CHD9: variants seen among roughly 807,000 people sequenced by gnomAD.
CHD9 encodes ATP-dependent chromatin remodeler CHD9.
In CHD9, 77 loss-of-function variants were observed where a neutral mutation model predicts 316.1. The observed-to-expected ratio is 0.24, with a 90% CI of 0.20 to 0.29. The LOEUF (loss-of-function observed/expected upper bound fraction) is 0.29, where lower values mean the gene tolerates loss of function less well. CHD9 is among the 10% of genes least tolerant of loss of function. CHD9 has a pLI of 1.00. For synonymous variants in CHD9, 1,129 were observed against 1,158.3 expected, an observed-to-expected ratio of 0.97 and a Z score of 0.51; for missense variants, 2,763 against 3,438.1, an observed-to-expected ratio of 0.80 and a Z score of 4.91.
intron 1 of CHD9, among the ~76,000 whole-genome samples, chr16:53,101,488 C>T (rs924155316): frequency 6.6e-5 from 10 of 151,842 alleles, no homozygotes; most frequent in East Asian, 1.9e-4. Context: ...TTGCCCAGGC[C>T]GACAATTTTT....
chr16:53,102,967 T>G (rs1456775073), intron 1 of CHD9, among the ~76,000 whole-genome samples: 1 of 151,846 alleles, frequency 6.6e-6, no homozygotes, highest in Non-Finnish European at 1.5e-5. Flanking sequence ...TGCCTCAGCC[T>G]CCTGAGTAGC....
At chr16:53,110,272 C>G (rs1379010337) in intron 1 of CHD9, among the ~76,000 whole-genome samples, 2 of 152,072 alleles carry the variant, frequency 1.3e-5, no homozygotes, top group Admixed American at 6.6e-5. Flanking sequence ...CAGTTTCAAA[C>G]GATGAGGTGA....
At chr16:53,075,589 C>T (rs139057550) in intron 1 of CHD9, among the ~76,000 whole-genome samples, 4,079 of 152,110 alleles carry the variant, frequency 0.027, 60 homozygotes, top group Middle Eastern at 0.037. Context: ...ATAAGTCTCA[C>T]GAGATCTGAT....
At chr16:53,234,733 C>T (rs1484919381) in intron 10 of CHD9, among the ~76,000 whole-genome samples, 1 of 151,972 alleles carries the variant, frequency 6.6e-6, no homozygotes, top group Non-Finnish European at 1.5e-5. Flanking sequence ...TGAGCCACCA[C>T]ACTCAGCTGA....
At chr16:53,103,387 CAG>C (rs1567330107) in intron 1 of CHD9, among the ~76,000 whole-genome samples, 3 of 152,096 alleles carry the variant, frequency 2.0e-5, no homozygotes, top group Admixed American at 6.6e-5. Flanking sequence ...GTAGATAGCA[CAG>C]AGAGTTTGAT....
intron 21 of CHD9, 46 bp from the exon 22 acceptor site, chr16:53,267,881 C>T (rs1298738313): frequency 9.9e-6 from 15 of 1,522,734 alleles, no homozygotes; most frequent in African/African-American, 1.4e-5. Context: ...ATATTTTTCT[C>T]TAGAACTTGA....
chr16:53,128,332 G>A (rs547637252), intron 1 of CHD9, among the ~76,000 whole-genome samples: 61 of 152,272 alleles, frequency 4.0e-4, no homozygotes, highest in African/African-American at 1.4e-3. Flanking sequence ...ACAGGCATGC[G>A]CCACCTAGCC....
At chr16:53,073,268 G>A (rs1222584896) in intron 1 of CHD9, among the ~76,000 whole-genome samples, 8 of 152,142 alleles carry the variant, frequency 5.3e-5, no homozygotes, top group Admixed American at 5.2e-4. Context: ...TTTACTTAGC[G>A]TGATGACCTC....
rs555344628 is a variant in CHD9 at position 53,143,629 on chromosome 16, C to T, written c.-164-12297C>T. On this transcript the variant is annotated intron_variant, in intron 1 of 38. Coordinates refer to ENST00000447540, the MANE Select transcript of CHD9 (RefSeq NM_001308319.2). ...GTCTCGATCTCCTGACCTCGTGATC[C>T]GCCCACCTTGGCCTCCCAAAGTGCT... 1.5e-3 allele frequency among the ~76,000 whole-genome samples: 229 copies of T among 152,098 alleles called. 2 individuals are homozygous for T. Among genetic ancestry groups the T allele is most frequent in the African/African-American group, 5.3e-3 (219 of 41,490 alleles).
chr16:53,087,601 G>C (rs573967233), intron 1 of CHD9, among the ~76,000 whole-genome samples: 4 of 152,118 alleles, frequency 2.6e-5, no homozygotes, highest in Non-Finnish European at 5.9e-5. Context: ...TGAAAGGATC[G>C]TTATGAGATA....
At chr16:53,215,224 A>G (rs1362483324) in intron 3 of CHD9, among the ~76,000 whole-genome samples, 1 of 152,222 alleles carries the variant, frequency 6.6e-6, no homozygotes, top group Middle Eastern at 3.4e-3. Context: ...CCAACAATAC[A>G]TATCTGTTAA....
chr16:53,223,536 T>A (rs1317181187), intron 4 of CHD9: 1 of 152,570 alleles, frequency 6.6e-6, no homozygotes, highest in East Asian at 1.9e-4. Flanking sequence ...GCTCCTAATA[T>A]TACATGGCCT....
At chr16:53,214,897 G>A (rs983148842) in intron 3 of CHD9, among the ~76,000 whole-genome samples, 2 of 147,660 alleles carry the variant, frequency 1.4e-5, no homozygotes, top group African/African-American at 5.0e-5. Flanking sequence ...AGAGATGTTC[G>A]TAAAAAACAA....
At chr16:53,102,571 C>A (rs1167392255) in intron 1 of CHD9, among the ~76,000 whole-genome samples, 1 of 152,018 alleles carries the variant, frequency 6.6e-6, no homozygotes, top group African/African-American at 2.4e-5. Flanking sequence ...AGATTTAGGC[C>A]ATGCATGGTG....
chr16:53,237,021 A>C (rs915346768), intron 11 of CHD9, among the ~76,000 whole-genome samples: 2 of 152,028 alleles, frequency 1.3e-5, no homozygotes, highest in Non-Finnish European at 2.9e-5. Flanking sequence ...CTCTGGGCCC[A>C]TATTTTTATT....
intron 34 of CHD9, chr16:53,310,857 C>CAATAATAATAATAATAATAAT (rs33996087): frequency 7.2e-6 from 1 of 138,922 alleles, no homozygotes; most frequent in African/African-American, 2.7e-5. Context: ...GTCTCAAAAA[C>CAATAATAATAATAATAATAAT]AATAATAATA....
intron 2 of CHD9, among the ~76,000 whole-genome samples, chr16:53,186,627 TC>T (rs1259685736): frequency 6.6e-6 from 1 of 152,182 alleles, no homozygotes; most frequent in Non-Finnish European, 1.5e-5. Flanking sequence ...TTGGGCTGTT[TC>T]CCCACCCAAA....
chr16:53,227,233 A>G, intron 5 of CHD9, 163 bp from the exon 6 acceptor site: 1 of 524,732 alleles, frequency 1.9e-6, no homozygotes, highest in East Asian at 3.9e-5. Flanking sequence ...AATGACAATG[A>G]TATATTTTTT....
chr16:53,080,339 C>T (rs774844901), intron 1 of CHD9, among the ~76,000 whole-genome samples: 2 of 152,130 alleles, frequency 1.3e-5, no homozygotes, highest in African/African-American at 2.4e-5. Flanking sequence ...GAGAGGCATA[C>T]GCAAGGTGCG....
Sources: allele counts gnomAD v4.1 joint callset (sites outside exome capture counted in the v4.1 genomes callset), GRCh38; gene constraint gnomAD v4.1.1; transcripts MANE v1.5; gene names NCBI Gene and HGNC (gene_info 2026-07-23, HGNC 2026-07-21).